The following CSMD1 variants were observed in gnomAD, a reference collection of about 807,000 sequenced individuals.
CSMD1 encodes the protein CUB and sushi domain-containing protein 1.
CSMD1 carries 213 observed loss-of-function variants against 417.5 expected under a neutral mutation model. That is an observed-to-expected ratio of 0.51 (90% confidence interval 0.46 to 0.57). CSMD1 has a LOEUF of 0.57. CSMD1 is among the 20% of genes least tolerant of loss of function. The probability of loss-of-function intolerance (pLI) is 0.00; values close to 1 mark genes in which losing one functional copy is unlikely to be tolerated. For synonymous variants in CSMD1, 2,862 were observed against 1,736.8 expected, an observed-to-expected ratio of 1.65 and a Z score of -16.11; for missense variants, 6,923 against 4,529.7, an observed-to-expected ratio of 1.53 and a Z score of -15.17.
At position 4,787,594 on chromosome 8, in the gene CSMD1, T is replaced by G. The variant is rs73661131; in HGVS notation, c.86-150036A>C. On this transcript the variant is annotated intron_variant, in intron 1 of 69. Coordinates refer to ENST00000635120, the MANE Select transcript of CSMD1 (RefSeq NM_033225.6). The stretch of plus-strand genomic sequence containing the variant: ...TCATTGCACCCCAGTGCGAAATGAT[T>G]CCAATTGAATGGGTTTGCAGAAGAA... The G allele has an allele frequency of 8.2e-4, 1,270 of 1,539,784 alleles. 3 individuals are homozygous for G. The African/African-American group carries it at 0.01, about 13-fold the overall frequency.
chr8:3,072,993 T>A (rs1014439366), intron 49 of CSMD1, among the ~76,000 whole-genome samples: 1 of 152,096 alleles, frequency 6.6e-6, no homozygotes, highest in African/African-American at 2.4e-5. Context: ...TAATGAAAAA[T>A]AAAATCATAA....
At chr8:3,351,501 C>T (rs1393857015) in intron 21 of CSMD1, among the ~76,000 whole-genome samples, 2 of 151,072 alleles carry the variant, frequency 1.3e-5, no homozygotes, top group East Asian at 3.9e-4. Context: ...ATCCCAGCTA[C>T]TTCGGAGGCT....
intron 3 of CSMD1, among the ~76,000 whole-genome samples, chr8:4,108,291 G>A (rs1005008146): frequency 1.3e-5 from 2 of 152,140 alleles, no homozygotes; most frequent in South Asian, 4.1e-4. Flanking sequence ...TCTCTGGGAA[G>A]CCAGTAAACT....
chr8:3,628,539 G>C (rs1292878100), intron 7 of CSMD1, among the ~76,000 whole-genome samples: 1 of 152,218 alleles, frequency 6.6e-6, no homozygotes, highest in Admixed American at 6.5e-5. Context: ...AGTGATGAAA[G>C]CCAGAGCTGG....
At chr8:3,763,879 C>G (rs983478946) in intron 5 of CSMD1, among the ~76,000 whole-genome samples, 1 of 152,158 alleles carries the variant, frequency 6.6e-6, no homozygotes, top group Non-Finnish European at 1.5e-5. Flanking sequence ...GACCTCAGCA[C>G]CCCTGACTGG....
intron 1 of CSMD1, among the ~76,000 whole-genome samples, chr8:4,902,275 T>TTA (rs1804929131): frequency 2.0e-5 from 3 of 146,952 alleles, no homozygotes; most frequent in Middle Eastern, 7.0e-3. Context: ...CTCTATCTAT[T>TTA]AAAAAAAAAA....
Position 4,604,410 on chromosome 8 carries a change from T to TGTGCGC in CSMD1, c.302+32931_302+32932insGCGCAC, listed in dbSNP as rs59349269. The stretch of plus-strand genomic sequence containing the variant: ...GTGTGTGTGTGTGTGTGTGTGTGTG[T>TGTGCGC]GCGCGTGCGTAAAGACTAGGATCTC... On this transcript the variant is annotated intron_variant, in intron 2 of 69. Coordinates refer to ENST00000635120, the MANE Select transcript of CSMD1 (RefSeq NM_033225.6). 9.4e-3 allele frequency among the ~76,000 whole-genome samples: 1,374 copies of TGTGCGC among 146,152 alleles called. 62 individuals are homozygous for TGTGCGC. In the East Asian group the frequency reaches 0.15, roughly 16 times the overall value.
intron 12 of CSMD1, among the ~76,000 whole-genome samples, chr8:3,427,497 A>T (rs1813928118): frequency 6.6e-6 from 1 of 152,188 alleles, no homozygotes; most frequent in African/African-American, 2.4e-5. Flanking sequence ...CAGTCAAATG[A>T]TGAAAATATT....
intron 3 of CSMD1, among the ~76,000 whole-genome samples, chr8:4,244,157 G>A (rs1443126588): frequency 6.6e-6 from 1 of 152,186 alleles, no homozygotes; most frequent in Non-Finnish European, 1.5e-5. Flanking sequence ...TGTGCTACAG[G>A]CAGCTCTGCA....
intron 4 of CSMD1, among the ~76,000 whole-genome samples, chr8:4,002,189 G>A (rs1360268526): frequency 6.6e-6 from 1 of 151,830 alleles, no homozygotes; most frequent in Non-Finnish European, 1.5e-5. Flanking sequence ...GGCAAAATTA[G>A]TGTTGGTGCC....
chr8:4,709,356 C>T (rs1317538221), intron 1 of CSMD1, among the ~76,000 whole-genome samples: 2 of 152,068 alleles, frequency 1.3e-5, no homozygotes, highest in Admixed American at 6.5e-5. Flanking sequence ...GGAGTTTAGG[C>T]TGTATGTCCC....
chr8:4,269,144 T>A (rs898183716), intron 3 of CSMD1, among the ~76,000 whole-genome samples: 2 of 152,116 alleles, frequency 1.3e-5, no homozygotes, highest in African/African-American at 4.8e-5. Context: ...GAAATCTCTG[T>A]CTCCTGGGTT....
intron 2 of CSMD1, among the ~76,000 whole-genome samples, chr8:4,487,632 G>C (rs555424029): frequency 1.3e-5 from 2 of 151,984 alleles, no homozygotes; most frequent in Non-Finnish European, 2.9e-5. Flanking sequence ...GTAGAAATAA[G>C]GCACACCCTT....
chr8:4,368,766 T>C (rs2128911541), intron 3 of CSMD1, among the ~76,000 whole-genome samples: 1 of 152,286 alleles, frequency 6.6e-6, no homozygotes, highest in African/African-American at 2.4e-5. Context: ...GTGCTCATAA[T>C]ACTCTCAGGA....
chr8:4,428,084 C>G (rs189724566), intron 2 of CSMD1, among the ~76,000 whole-genome samples: 1 of 152,292 alleles, frequency 6.6e-6, no homozygotes, highest in East Asian at 1.9e-4. Flanking sequence ...TCATATCAGA[C>G]AATATCAAGA....
rs372202976 is a variant in CSMD1 at position 3,843,924 on chromosome 8, C to T, written c.819-89882G>A. Reference sequence around the variant, plus strand: ...TTACACCCAGCAGAACTTTCCATTGCATGCGCACAAGGTTATCTGAGAACA... The same window carrying T: ...TTACACCCAGCAGAACTTTCCATTGTATGCGCACAAGGTTATCTGAGAACA... On this transcript the variant is annotated intron_variant, in intron 5 of 69. Coordinates refer to ENST00000635120, the MANE Select transcript of CSMD1 (RefSeq NM_033225.6). Among the ~76,000 whole-genome samples the T allele has an allele frequency of 5.3e-5, 8 of 152,142 alleles. No homozygotes were observed. In the East Asian group the frequency reaches 5.8e-4, roughly 11 times the overall value.
chr8:3,196,006 C>G (rs529937820), intron 33 of CSMD1, among the ~76,000 whole-genome samples: 1 of 152,224 alleles, frequency 6.6e-6, no homozygotes, highest in South Asian at 2.1e-4. Context: ...TTCTAAGTCA[C>G]AGGATGAGGT....
At chr8:3,917,641 T>C (rs117474836) in intron 5 of CSMD1, among the ~76,000 whole-genome samples, 5 of 152,256 alleles carry the variant, frequency 3.3e-5, no homozygotes, top group Non-Finnish European at 7.4e-5. Context: ...AAAATGCTTA[T>C]TATGGTACGA....
At chr8:3,724,394 C>T (rs1802370703) in intron 6 of CSMD1, among the ~76,000 whole-genome samples, 1 of 151,976 alleles carries the variant, frequency 6.6e-6, no homozygotes, top group African/African-American at 2.4e-5. Context: ...ATGTTAATTT[C>T]TAAAGGAGTA....
Sources: gnomAD v4.1 joint callset for allele counts (sites outside exome capture counted in the v4.1 genomes callset) on GRCh38, gnomAD v4.1.1 for gene constraint, MANE v1.5 for transcripts, NCBI Gene and HGNC (gene_info 2026-07-23, HGNC 2026-07-21) for gene names.